The following MYO16 variants were observed in gnomAD, a reference collection of about 807,000 sequenced individuals.
MYO16 encodes myosin XVI, also known as unconventional myosin-XVI.
In MYO16, 94 loss-of-function variants were observed where a neutral mutation model predicts 205.3. That is an observed-to-expected ratio of 0.46 (90% CI 0.39 to 0.54). The LOEUF (loss-of-function observed/expected upper bound fraction) is 0.54. Ranked by LOEUF, MYO16 falls within the 20% of genes least tolerant of loss-of-function variation. MYO16 has a pLI of 0.00. For synonymous variants in MYO16, 988 were observed against 954.0 expected (o/e 1.04, Z -0.66); for missense variants, 2,315 against 2,387.5 (o/e 0.97, Z 0.63).
chr13:108,962,787 T>C (rs1566434851), intron 19 of MYO16, among the ~76,000 whole-genome samples: 1 of 152,238 alleles, frequency 6.6e-6, no homozygotes, highest in African/African-American at 2.4e-5. Flanking sequence ...TCCATTTGCA[T>C]GTGTGGTGCC....
chr13:108,599,504 C>A (rs1056297616), intron 1 of MYO16, among the ~76,000 whole-genome samples: 4 of 152,138 alleles, frequency 2.6e-5, no homozygotes, highest in Non-Finnish European at 5.9e-5. Context: ...GGGTTGTGTT[C>A]ACTCTAGGCT....
At chr13:108,675,058 T>G (rs1416173055) in intron 2 of MYO16, among the ~76,000 whole-genome samples, 2 of 152,172 alleles carry the variant, frequency 1.3e-5, no homozygotes, top group Non-Finnish European at 2.9e-5. Context: ...GCCCTCTGAA[T>G]GTGAAGCTGT....
At position 109,055,729 on chromosome 13, in the gene MYO16, C is replaced by T. The variant is rs2139613442; in HGVS notation, c.3335+134C>T. The T allele has an allele frequency of 2.8e-6, 2 of 718,910 alleles. No individual in the cohort carries two copies. Among genetic ancestry groups the T allele is most frequent in the Middle Eastern group, 4.0e-4 (1 of 2,504 alleles). The allele number at this position is 718,910 out of a possible 1,614,324, so 44.5% of individuals were successfully genotyped here. A position where few individuals can be genotyped will look rare whatever the true frequency, so the allele number is the denominator to read the frequency against. On this transcript the variant is annotated intron_variant, in intron 27 of 34. Transcript: ENST00000457511. The surrounding 1 kb of genome is among the most constrained non-coding windows in gnomAD (Gnocchi z 5.0). ...TTTGTTGTTTACTTTTTTCTATCTC[C>T]AATAAACAAAATATTCTGGGAAACA...
At chr13:108,829,427 C>T (rs1400362413) in intron 9 of MYO16, among the ~76,000 whole-genome samples, 2 of 152,126 alleles carry the variant, frequency 1.3e-5, no homozygotes, top group South Asian at 2.1e-4. Context: ...AGTGGTAGGC[C>T]TTCCGCTGGG....
At chr13:108,646,449 T>C (rs1361897435) in intron 1 of MYO16, among the ~76,000 whole-genome samples, 1 of 152,244 alleles carries the variant, frequency 6.6e-6, no homozygotes, top group Non-Finnish European at 1.5e-5. Flanking sequence ...AAATCTGTTA[T>C]GCATTAAGGG....
At chr13:108,581,672 G>A in the MYO16 span, among the ~76,000 whole-genome samples, 8 of 152,030 alleles carry the variant, frequency 5.3e-5, no homozygotes, top group Admixed American at 2.0e-4. Flanking sequence ...GATCACCTGA[G>A]GTCAAAAGTT....
At chr13:109,115,035 A>T (rs1203677815) in intron 28 of MYO16, among the ~76,000 whole-genome samples, 1 of 152,150 alleles carries the variant, frequency 6.6e-6, no homozygotes, top group African/African-American at 2.4e-5. Context: ...AAAAATATCA[A>T]AGGATAATAG....
At chr13:109,064,062 G>C (rs1887668835) in intron 27 of MYO16, among the ~76,000 whole-genome samples, 1 of 152,152 alleles carries the variant, frequency 6.6e-6, no homozygotes, top group Non-Finnish European at 1.5e-5. Flanking sequence ...CACCAGACCA[G>C]AGGTTAGAAA....
rs150326700 is a variant in MYO16, at chr13:108,713,025, T to A, written c.363+294T>A. Among the ~76,000 whole-genome samples, 141 of 152,350 alleles carry A rather than the reference T, an allele frequency of 9.3e-4. 5 individuals carry two copies. The East Asian group carries it at 0.025, about 27-fold the overall frequency. The stretch of plus-strand genomic sequence containing the variant: ...AGTATTAGGCAATCATCCTTTCTTT[T>A]TTCCTACAAGTTGTCCTTATTCCTC... On this transcript the variant is annotated intron_variant, in intron 3 of 34. Coordinates refer to ENST00000457511, the MANE Select transcript of MYO16 (RefSeq NM_001198950.3).
At chr13:108,570,800 A>C in the MYO16 span, among the ~76,000 whole-genome samples, 1 of 152,236 alleles carries the variant, frequency 6.6e-6, no homozygotes, top group Non-Finnish European at 1.5e-5. Context: ...TATGAATGCC[A>C]TGGTGGTAGC....
intron 20 of MYO16, among the ~76,000 whole-genome samples, chr13:108,991,518 C>T (rs1333406093): frequency 1.3e-5 from 2 of 152,134 alleles, no homozygotes; most frequent in Non-Finnish European, 2.9e-5. Context: ...TGTGTTTTAC[C>T]TTACATCGCA....
intron 21 of MYO16, among the ~76,000 whole-genome samples, chr13:109,008,315 ATATCTTGTGTATGCACTACTGTAC>A (rs1885466829): frequency 2.7e-5 from 4 of 148,498 alleles, no homozygotes; most frequent in South Asian, 4.3e-4. Context: ...CTACTGTACT[ATATCTTGTGTATGCACTACTGTAC>A]TATCTTGTGT....
intron 4 of MYO16, among the ~76,000 whole-genome samples, chr13:108,728,370 T>C (rs1356982431): frequency 6.6e-6 from 1 of 152,198 alleles, no homozygotes; most frequent in African/African-American, 2.4e-5. Context: ...CTCAAGTTCA[T>C]TGTCAGAAGT....
intron 27 of MYO16, among the ~76,000 whole-genome samples, chr13:109,091,159 G>A (rs1388699565): frequency 6.6e-6 from 1 of 152,198 alleles, no homozygotes; most frequent in African/African-American, 2.4e-5. Context: ...TGGGCAGACA[G>A]CCACGTTTTT....
At chr13:108,555,536 GGCTAAATCGA>G in the MYO16 span, among the ~76,000 whole-genome samples, 1 of 152,176 alleles carries the variant, frequency 6.6e-6, no homozygotes, top group Admixed American at 6.5e-5. Context: ...ATTGTGAAAT[GGCTAAATCGA>G]GCTAATTAAC....
At chr13:108,587,376 T>C in the MYO16 span, among the ~76,000 whole-genome samples, 1 of 152,072 alleles carries the variant, frequency 6.6e-6, no homozygotes, top group Non-Finnish European at 1.5e-5. Flanking sequence ...AGGCTAGGAG[T>C]GTCAATTTCT....
chr13:109,119,820 C>G (rs552119481), intron 28 of MYO16, among the ~76,000 whole-genome samples: 83 of 152,196 alleles, frequency 5.5e-4, no homozygotes, highest in Non-Finnish European at 6.2e-4. Context: ...ACTTTCTCAT[C>G]TTTCTTGAGA....
At chr13:108,754,499 T>C (rs9587665) in intron 4 of MYO16, among the ~76,000 whole-genome samples, 5,288 of 151,232 alleles carry the variant, frequency 0.035, 309 homozygotes, top group African/African-American at 0.12. Context: ...ATAAAACTGC[T>C]AGTTACAGGT....
chr13:108,729,026 G>A lies in MYO16; in HGVS notation c.507+1443G>A, dbSNP rs74792660. Reference sequence around the variant, plus strand: ...AGTAGAAATATATGTCACTAAAAGTGTATTTCTTTCAAATTCTGGAAGATG... The same window carrying A: ...AGTAGAAATATATGTCACTAAAAGTATATTTCTTTCAAATTCTGGAAGATG... On this transcript the variant is annotated intron_variant, in intron 4 of 34. Coordinates refer to ENST00000457511, the MANE Select transcript of MYO16 (RefSeq NM_001198950.3). Among the ~76,000 whole-genome samples the A allele has an allele frequency of 3.5e-3, 515 of 148,074 alleles. 2 individuals carry two copies. The highest frequency in any genetic ancestry group is 0.012 in the African/African-American group (492 of 40,324).
Sources: gnomAD v4.1 joint callset for allele counts (sites outside exome capture counted in the v4.1 genomes callset) on GRCh38, gnomAD v4.1.1 for gene constraint, Gnocchi (gnomAD v3.1) non-coding constraint, MANE v1.5 for transcripts, NCBI Gene and HGNC (gene_info 2026-07-23, HGNC 2026-07-21) for gene names.